The following PTCHD4 variants were observed in gnomAD, a reference collection of about 807,000 sequenced individuals.
PTCHD4 encodes the protein patched domain-containing protein 4.
In PTCHD4, 33 loss-of-function variants were observed where a neutral mutation model predicts 58.1. The observed-to-expected ratio is 0.57, with a 90% confidence interval of 0.43 to 0.76. The LOEUF is 0.76. PTCHD4 is among the 30% of genes least tolerant of loss of function. PTCHD4 has a pLI of 0.00. For missense variants in PTCHD4, 1,058 were observed against 1,027.1 expected, an observed-to-expected ratio of 1.03 and a Z score of -0.41; for synonymous variants, 478 against 409.6, an observed-to-expected ratio of 1.17 and a Z score of -2.02.
intron 1 of PTCHD4, among the ~76,000 whole-genome samples, chr6:48,096,559 C>T (rs1014897613): frequency 6.6e-6 from 1 of 151,174 alleles, no homozygotes. Context: ...TTGCAGTGAG[C>T]CGAGATGGTG....
In PTCHD4 at chr6:48,069,131, G is replaced by A. The variant is rs1764914066; in HGVS notation, c.-174C>T. ...TCGGTGTTGTAAGAAGCAGACATGT[G>A]CCCCATAAAGGGGGGGGGGGCTGAG... On this transcript the variant is annotated 5_prime_UTR_variant, in exon 2 of 5. Transcript: ENST00000339488. 9.9e-6 allele frequency among the ~76,000 whole-genome samples: 1 copy of A among 100,992 alleles called. No individual in the cohort carries two copies. Among genetic ancestry groups the A allele is most frequent in the African/African-American group, 3.9e-5 (1 of 25,824 alleles). 66.3% of individuals were successfully genotyped at this position (100,992 alleles called of 152,430 possible).
intron 4 of PTCHD4, among the ~76,000 whole-genome samples, chr6:48,004,499 CA>C (rs1446690785): frequency 6.6e-6 from 1 of 151,998 alleles, no homozygotes; most frequent in Non-Finnish European, 1.5e-5. Flanking sequence ...CCACATAAAG[CA>C]AATGAGGTGA....
intron 3 of PTCHD4, among the ~76,000 whole-genome samples, chr6:48,012,762 T>C (rs1762725887): frequency 6.6e-6 from 1 of 152,184 alleles, no homozygotes; most frequent in Admixed American, 6.5e-5. Flanking sequence ...GTACCTAGTT[T>C]TCAAAAGTTT....
At position 47,864,315 on chromosome 6, in the gene PTCHD4, T is replaced by TATATATACAC. The variant is rs142961548; in HGVS notation, c.*13987_*13988insGTGTATATAT. ...GCCCATTATTTTTGAGATATATATA[T>TATATATACAC]ACACACACACACACATATATATATA... On this transcript the variant is annotated 3_prime_UTR_variant, in exon 5 of 5. Coordinates refer to ENST00000339488, the MANE Select transcript of PTCHD4 (RefSeq NM_001384253.1). Among the ~76,000 whole-genome samples, 1 of 148,786 alleles carries TATATATACAC rather than the reference T, an allele frequency of 6.7e-6. No individual in the cohort carries two copies. The highest frequency in any genetic ancestry group is 2.5e-5 in the African/African-American group (1 of 40,622).
In PTCHD4 at chr6:47,879,791, A is replaced by G. The variant is rs774904123; in HGVS notation, c.1044T>C (p.Phe348=). 3.3e-5 allele frequency: 54 copies of G among 1,613,548 alleles called. No homozygotes were observed. The highest frequency in any genetic ancestry group is 4.3e-5 in the Non-Finnish European group (51 of 1,179,772). Reference sequence around the variant, plus strand: ...TTGTGAATGGGCTGGCACCCATGCCAAAAGTGATGAAGTACAGGGAGCTGG... The same window carrying G: ...TTGTGAATGGGCTGGCACCCATGCCGAAAGTGATGAAGTACAGGGAGCTGG... ...TMTSSLYFIT[F]GMGASPFTNI... is the part of the protein sequence containing the mutation. The change falls in exon 5 of 5, where the codon TTT becomes TTC. Residue 348 remains phenylalanine (F), a synonymous_variant. Transcript: ENST00000339488.
chr6:48,015,945 A>C (rs1762852071), intron 3 of PTCHD4, among the ~76,000 whole-genome samples: 1 of 151,936 alleles, frequency 6.6e-6, no homozygotes, highest in African/African-American at 2.4e-5. Flanking sequence ...AGACCAGGAC[A>C]AGTAGGAGAC....
At chr6:47,887,886 G>C (rs1216636891) in intron 4 of PTCHD4, among the ~76,000 whole-genome samples, 1 of 152,154 alleles carries the variant, frequency 6.6e-6, no homozygotes, top group Admixed American at 6.5e-5. Context: ...CAAAGGGTAG[G>C]GGGTGTTTAA....
At chr6:48,011,252 C>A (rs1339232370) in intron 3 of PTCHD4, among the ~76,000 whole-genome samples, 1 of 152,120 alleles carries the variant, frequency 6.6e-6, no homozygotes, top group Non-Finnish European at 1.5e-5. Flanking sequence ...TGTTTCCTGA[C>A]TTTTTAATGA....
chr6:47,957,312 A>G (rs1348424746), intron 4 of PTCHD4, among the ~76,000 whole-genome samples: 1 of 148,774 alleles, frequency 6.7e-6, no homozygotes, highest in Admixed American at 6.7e-5. Flanking sequence ...TACAGAATAC[A>G]AATTCTCAAA....
intron 1 of PTCHD4, among the ~76,000 whole-genome samples, chr6:48,087,389 TAAC>T (rs1355399267): frequency 3.9e-5 from 6 of 152,184 alleles, no homozygotes; most frequent in Non-Finnish European, 8.8e-5. Flanking sequence ...AGCAATAAAA[TAAC>T]AAATTTCATA....
chr6:47,857,572 A>C lies in PTCHD4; in HGVS notation c.*20731T>G, dbSNP rs984716691. Among the ~76,000 whole-genome samples the C allele has an allele frequency of 6.6e-6, 1 of 152,038 alleles. No homozygotes were observed. The highest frequency in any genetic ancestry group is 2.4e-5 in the African/African-American group (1 of 41,418). On this transcript the variant is annotated 3_prime_UTR_variant, in exon 5 of 5. Transcript: ENST00000339488. Reference sequence around the variant, plus strand: ...TTCTTTATTGCATTCTGATTTTTTCAATATTGCATTGCAGTGCTAACTCAA... The same window carrying C: ...TTCTTTATTGCATTCTGATTTTTTCCATATTGCATTGCAGTGCTAACTCAA...
At chr6:47,901,968 AGTTAT>A (rs1764723149) in intron 4 of PTCHD4, 1 of 1,249,132 alleles carries the variant, frequency 8.0e-7, no homozygotes, top group East Asian at 5.6e-5. Flanking sequence ...CAGTAACAAG[AGTTAT>A]GTTATATTTC....
chr6:47,919,868 G>A (rs573178747), intron 4 of PTCHD4, among the ~76,000 whole-genome samples: 1 of 152,226 alleles, frequency 6.6e-6, no homozygotes, highest in East Asian at 1.9e-4. Flanking sequence ...TGTTGAGTCT[G>A]CCTTGCAATG....
At chr6:47,899,601 C>T (rs532329739) in intron 4 of PTCHD4, 1 of 980,232 alleles carries the variant, frequency 1.0e-6, no homozygotes, top group Non-Finnish European at 1.2e-6. Context: ...GGAAAGTGAA[C>T]CCCTTCCGTT....
At chr6:47,978,701 T>C (rs577367741) in intron 4 of PTCHD4, among the ~76,000 whole-genome samples, 4 of 152,278 alleles carry the variant, frequency 2.6e-5, no homozygotes, top group Non-Finnish European at 5.9e-5. Context: ...ATCCCAGTGA[T>C]GGTTAAGCAA....
In PTCHD4 at chr6:47,957,170, GA is replaced by G. The variant is rs112405970; in HGVS notation, c.898+51463del. Among the ~76,000 whole-genome samples the G allele has an allele frequency of 5.2e-4, 66 of 127,398 alleles. No individual in the cohort carries two copies. The Middle Eastern group carries it at 0.025, about 48-fold the overall frequency. The allele number at this position is 127,398 out of a possible 152,430, so 83.6% of individuals were successfully genotyped here. On this transcript the variant is annotated intron_variant, in intron 4 of 4. Transcript: ENST00000339488. The stretch of plus-strand genomic sequence containing the variant: ...ACAGAGTGAGACTCTGTCTCAAAAA[GA>G]AAAAAAAAAACCTTGCCTTTTATAT...
intron 1 of PTCHD4, among the ~76,000 whole-genome samples, chr6:48,095,732 C>CAAAA (rs112185985): frequency 1.3e-4 from 16 of 124,984 alleles, no homozygotes; most frequent in East Asian, 7.3e-4. Context: ...CAAAAGGAAC[C>CAAAA]AAAAAAAAAA....
Position 47,878,468 on chromosome 6 carries a change from C to T in PTCHD4, c.2367G>A (p.Gly789=). The T allele has an allele frequency of 2.5e-6, 4 of 1,613,436 alleles. No individual in the cohort carries two copies. Among genetic ancestry groups the T allele is most frequent in the Non-Finnish European group, 3.4e-6 (4 of 1,179,684 alleles). ...FTLFKCLLLT[G]GCTLLHCFVI... is the part of the protein sequence containing the mutation. ...CAAAACAGTGCAGAAGTGTGCAACCCCCAGTGAGCAGCAAGCATTTGAACA... is the reference window on the plus strand; with the variant it reads ...CAAAACAGTGCAGAAGTGTGCAACCTCCAGTGAGCAGCAAGCATTTGAACA... The change falls in exon 5 of 5, where the codon GGG becomes GGA. Residue 789 remains glycine, a synonymous_variant. Coordinates refer to ENST00000339488, the MANE Select transcript of PTCHD4 (RefSeq NM_001384253.1).
intron 4 of PTCHD4, among the ~76,000 whole-genome samples, chr6:47,958,449 G>T (rs1766954572): frequency 6.6e-6 from 1 of 152,162 alleles, no homozygotes; most frequent in South Asian, 2.1e-4. Context: ...AGTGATCCCT[G>T]AGAACGGGAA....
Sources: gnomAD v4.1 joint callset for allele counts (sites outside exome capture counted in the v4.1 genomes callset) on GRCh38, gnomAD v4.1.1 for gene constraint, MANE v1.5 for transcripts, NCBI Gene and HGNC (gene_info 2026-07-23, HGNC 2026-07-21) for gene names.